ELAVL4: variants seen among roughly 807,000 people sequenced by gnomAD.
ELAVL4 encodes ELAV like RNA binding protein 4, also known as ELAV-like protein 4.
ELAVL4 carries 1 observed loss-of-function variant against 35.6 expected under a neutral mutation model. The ratio of observed to expected loss-of-function variants is 0.03; its 90% confidence interval spans 0.01 to 0.13. ELAVL4 has a LOEUF of 0.13. Ranked by LOEUF, ELAVL4 falls within the 10% of genes least tolerant of loss-of-function variation. ELAVL4 has a pLI of 1.00. For synonymous variants in ELAVL4, 156 were observed against 171.0 expected (o/e 0.91, Z 0.69); for missense variants, 267 against 464.9 (o/e 0.57, Z 3.91).
intron 1 of ELAVL4, among the ~76,000 whole-genome samples, chr1:50,049,670 C>A (rs1663251701): frequency 6.6e-6 from 1 of 152,126 alleles, no homozygotes; most frequent in South Asian, 2.1e-4. Context: ...CAACCATGAG[C>A]AAGTGGATGG....
chr1:50,137,998 G>A (rs1672167667), intron 1 of ELAVL4, among the ~76,000 whole-genome samples: 1 of 152,192 alleles, frequency 6.6e-6, no homozygotes, highest in South Asian at 2.1e-4. Context: ...AGCAAAGGCT[G>A]CCCTGAACCA....
chr1:50,085,122 G>T (rs1267411230), intron 1 of ELAVL4, among the ~76,000 whole-genome samples: 1 of 152,164 alleles, frequency 6.6e-6, no homozygotes, highest in East Asian at 1.9e-4. Flanking sequence ...TAAGCACTGT[G>T]TGGGGGTGCC....
At chr1:50,174,946 A>G (rs1263216855) in intron 2 of ELAVL4, among the ~76,000 whole-genome samples, 2 of 152,232 alleles carry the variant, frequency 1.3e-5, no homozygotes, top group East Asian at 1.9e-4. Flanking sequence ...TTTTGCTGTT[A>G]AGTGGTGTTT....
intron 2 of ELAVL4, among the ~76,000 whole-genome samples, chr1:50,154,004 T>A (rs1481135741): frequency 6.6e-6 from 1 of 152,200 alleles, no homozygotes; most frequent in East Asian, 1.9e-4. Flanking sequence ...AAATTTCTGT[T>A]GTTTAAGCCA....
chr1:50,109,814 C>G, intron 1 of ELAVL4: 1 of 1,176,642 alleles, frequency 8.5e-7, no homozygotes, highest in Non-Finnish European at 1.2e-6. Flanking sequence ...TGTAGCAGTG[C>G]CTGGCGTGTT....
intron 1 of ELAVL4, among the ~76,000 whole-genome samples, chr1:50,116,378 A>T (rs1455924166): frequency 6.7e-6 from 1 of 149,668 alleles, no homozygotes; most frequent in Non-Finnish European, 1.5e-5. Context: ...ACTTTGTCAT[A>T]TACATCTAAA....
chr1:50,052,164 A>AGTAAAAAGCT (rs1322246065), intron 1 of ELAVL4, among the ~76,000 whole-genome samples: 2 of 152,222 alleles, frequency 1.3e-5, no homozygotes, highest in African/African-American at 4.8e-5. Flanking sequence ...ACATGGTTTT[A>AGTAAAAAGCT]GTAAAAAGCT....
At chr1:50,169,214 A>C (rs185014356) in intron 2 of ELAVL4, among the ~76,000 whole-genome samples, 1 of 151,950 alleles carries the variant, frequency 6.6e-6, no homozygotes, top group Non-Finnish European at 1.5e-5. Context: ...TGCCTGCTTT[A>C]TATTCACTGG....
At chr1:50,168,196 C>A (rs1461719769) in intron 2 of ELAVL4, among the ~76,000 whole-genome samples, 1 of 152,136 alleles carries the variant, frequency 6.6e-6, no homozygotes, top group Non-Finnish European at 1.5e-5. Flanking sequence ...ATAGGGAACT[C>A]CCCATGAGGC....
At chr1:50,168,434 G>A (rs2148794405) in intron 2 of ELAVL4, among the ~76,000 whole-genome samples, 1 of 152,280 alleles carries the variant, frequency 6.6e-6, no homozygotes, top group Admixed American at 6.5e-5. Flanking sequence ...AAGAGCTCAT[G>A]TCTGTTTTTC....
chr1:50,103,214 C>T (rs150048076), upstream of ELAVL4, among the ~76,000 whole-genome samples: 9 of 152,276 alleles, frequency 5.9e-5, no homozygotes, highest in African/African-American at 2.2e-4. Flanking sequence ...CACATTTCCC[C>T]CCACAGTAGC....
intron 6 of ELAVL4, among the ~76,000 whole-genome samples, chr1:50,200,402 T>C (rs988879347): frequency 6.6e-6 from 1 of 152,192 alleles, no homozygotes; most frequent in Admixed American, 6.5e-5. Flanking sequence ...TGTGTCACTA[T>C]ATCTGTGAGA....
chr1:50,056,204 T>C (rs1438241503), intron 1 of ELAVL4, among the ~76,000 whole-genome samples: 2 of 152,202 alleles, frequency 1.3e-5, no homozygotes, highest in Non-Finnish European at 2.9e-5. Context: ...ACTAGTGTTC[T>C]AGAAGTGCCT....
intron 1 of ELAVL4, chr1:50,109,702 C>T: frequency 1.9e-6 from 1 of 535,444 alleles, no homozygotes; most frequent in Non-Finnish European, 3.4e-6. Context: ...GCAGTCAAAA[C>T]GGCAAAGAGA....
At chr1:50,135,148 T>C (rs1671670890) in intron 1 of ELAVL4, among the ~76,000 whole-genome samples, 1 of 152,168 alleles carries the variant, frequency 6.6e-6, no homozygotes, top group Non-Finnish European at 1.5e-5. Context: ...GAGAATACTT[T>C]TGGCATGCCT....
intron 2 of ELAVL4, among the ~76,000 whole-genome samples, chr1:50,169,965 T>C (rs1003587360): frequency 6.6e-6 from 1 of 152,232 alleles, no homozygotes; most frequent in African/African-American, 2.4e-5. Context: ...CGGGGACAAT[T>C]TTTTGGTCAT....
intron 6 of ELAVL4, among the ~76,000 whole-genome samples, chr1:50,198,226 T>G (rs1646045268): frequency 1.3e-5 from 2 of 152,200 alleles, no homozygotes; most frequent in African/African-American, 4.8e-5. Flanking sequence ...ATTCAAAGTT[T>G]TCCAGACCCA....
At chr1:50,167,926 C>G (rs1678238655) in intron 2 of ELAVL4, among the ~76,000 whole-genome samples, 1 of 152,218 alleles carries the variant, frequency 6.6e-6, no homozygotes, top group Admixed American at 6.5e-5. Context: ...CCCTGACCAT[C>G]CAGCCAAACC....
At chr1:50,078,302 G>A (rs983551723) in intron 1 of ELAVL4, among the ~76,000 whole-genome samples, 5 of 152,066 alleles carry the variant, frequency 3.3e-5, no homozygotes, top group Non-Finnish European at 1.5e-5. Context: ...AATATGGAGT[G>A]GGGGAAGTGA....
Sources: allele counts gnomAD v4.1 joint callset (sites outside exome capture counted in the v4.1 genomes callset), GRCh38; gene constraint gnomAD v4.1.1; transcripts MANE v1.5; gene names NCBI Gene and HGNC (gene_info 2026-07-23, HGNC 2026-07-21).